The following PHF2 variants were observed in gnomAD, a reference collection of about 807,000 sequenced individuals.
PHF2 encodes lysine-specific demethylase PHF2.
Under a neutral mutation model 120.5 loss-of-function variants are expected in PHF2, and 27 were observed. That is an observed-to-expected ratio of 0.22 (90% CI 0.17 to 0.31). PHF2 has a LOEUF of 0.31. Among genes scored for constraint, PHF2 ranks in the 10% least tolerant of loss-of-function variants. PHF2 has a pLI of 1.00. For synonymous variants in PHF2, 568 were observed against 592.5 expected (o/e 0.96, Z 0.60); for missense variants, 1,024 against 1,434.8 (o/e 0.71, Z 4.63).
chr9:93,582,077 G>A (rs150540030), intron 1 of PHF2, among the ~76,000 whole-genome samples: 60 of 152,248 alleles, frequency 3.9e-4, no homozygotes, highest in African/African-American at 1.3e-3. Context: ...TGGTTCCCAC[G>A]TCGACTGCGA....
At position 93,653,239 on chromosome 9, in the gene PHF2, C is replaced by T. The variant is rs753718871; in HGVS notation, c.663C>T (p.Tyr221=). 1.1e-5 allele frequency: 17 copies of T among 1,614,092 alleles called. No individual in the cohort carries two copies. The highest frequency in any genetic ancestry group is 2.5e-6 in the Non-Finnish European group (3 of 1,180,042). The change falls in exon 6 of 22, where the codon TAC becomes TAT. Residue 221 remains tyrosine, a synonymous_variant. Transcript: ENST00000359246. ...AGAAACTGTCATGGGTAGAAAACTA[C>T]TGGCCAGATGATGCATTGCTGGCCA... The part of the protein sequence containing the change: ...IVKKLSWVEN[Y]WPDDALLAKP...
At position 93,667,224 on chromosome 9, in the gene PHF2, G is replaced by A. The variant is rs1313491211; in HGVS notation, c.2332G>A (p.Glu778Lys). The change falls in exon 17 of 22, where the codon GAG becomes AAG. Residue 778 changes from glutamate to lysine, a missense_variant. Coordinates refer to ENST00000359246, the MANE Select transcript of PHF2 (RefSeq NM_005392.4). ...GGCCAGTGAGGAGGTTGGCGCGCTG[G>A]AGTACAACCCCAGCAGGTGGGCCCC... Reference protein sequence around the residue: ...LQASEEVGALEYNPSSQPPAS... With the variant: ...LQASEEVGALKYNPSSQPPAS... The A allele has an allele frequency of 6.2e-7, 1 of 1,610,872 alleles. No homozygotes were observed. Among genetic ancestry groups the A allele is most frequent in the African/African-American group, 1.3e-5 (1 of 74,920 alleles).
At chr9:93,666,118 G>A (rs1016144437) in intron 16 of PHF2, 58 bp downstream of exon 16, 5 of 1,570,676 alleles carry the variant, frequency 3.2e-6, no homozygotes, top group Middle Eastern at 1.7e-4. Context: ...CAGTCCCCAA[G>A]GCCATGGTTT....
intron 6 of PHF2, 120 bp from the exon 7 acceptor site, chr9:93,654,293 A>C: frequency 1.2e-6 from 1 of 819,022 alleles, no homozygotes; most frequent in Non-Finnish European, 2.0e-6. Context: ...CTGTGCCCTC[A>C]GTGTTGCAGG....
intron 1 of PHF2, among the ~76,000 whole-genome samples, chr9:93,607,926 G>T (rs1431270297): frequency 8.2e-6 from 1 of 122,406 alleles, no homozygotes; most frequent in Non-Finnish European, 1.8e-5. Context: ...ATGAGAGAGA[G>T]AGAGGGAAAG....
In PHF2 at chr9:93,606,081, G is replaced by A. The variant is rs534036431; in HGVS notation, c.99-23889G>A. Among the ~76,000 whole-genome samples, 22 of 152,014 alleles carry A rather than the reference G, an allele frequency of 1.4e-4. No homozygotes were observed. The South Asian group carries it at 4.2e-3, about 29-fold the overall frequency. On this transcript the variant is annotated intron_variant, in intron 1 of 21. Transcript: ENST00000359246. ...CTCCACCTCCTGGGGTCAAGCCAGC[G>A]TCCCACCCCAGCCTCCTAAGTAAGT...
intron 2 of PHF2, among the ~76,000 whole-genome samples, chr9:93,632,998 C>T (rs1826025945): frequency 6.6e-6 from 1 of 152,134 alleles, no homozygotes; most frequent in Non-Finnish European, 1.5e-5. Flanking sequence ...CACCAAGGCA[C>T]ACTGGGGATA....
In PHF2 at chr9:93,656,693, C is replaced by T; in HGVS notation, c.1147+98C>T. The T allele has an allele frequency of 1.3e-6, 1 of 794,252 alleles. No homozygotes were observed. The highest frequency in any genetic ancestry group is 2.1e-6 in the Non-Finnish European group (1 of 467,964). The allele number at this position is 794,252 out of a possible 1,614,324, so 49.2% of individuals were successfully genotyped here. On this transcript the variant is annotated intron_variant, in intron 9 of 21. Coordinates refer to ENST00000359246, the MANE Select transcript of PHF2 (RefSeq NM_005392.4). This position sits in a 1 kb window ranked among gnomAD's most constrained non-coding sequence, Gnocchi z 4.1. Reference sequence around the variant, plus strand: ...CTGACTGTCTGGGTGTGAGTGCCGCCTTCCTGTGGCCTGAGCAAGTCCTCT... The same window carrying T: ...CTGACTGTCTGGGTGTGAGTGCCGCTTTCCTGTGGCCTGAGCAAGTCCTCT...
At chr9:93,607,052 C>T (rs189152486) in intron 1 of PHF2, among the ~76,000 whole-genome samples, 1 of 152,178 alleles carries the variant, frequency 6.6e-6, no homozygotes, top group Non-Finnish European at 1.5e-5. Context: ...TCCCATTAAT[C>T]TGTCCCATTA....
chr9:93,582,204 A>G (rs1476098929), intron 1 of PHF2, among the ~76,000 whole-genome samples: 1 of 152,198 alleles, frequency 6.6e-6, no homozygotes, highest in Non-Finnish European at 1.5e-5. Context: ...GAGCTGCAGC[A>G]GGTGGACACA....
Position 93,576,671 on chromosome 9 carries a change from GCCCCGCCGC to G in PHF2, c.-87_-79del, listed in dbSNP as rs1233553069. 7 of 191,786 alleles carry G rather than the reference GCCCCGCCGC, an allele frequency of 3.6e-5. No homozygotes were observed. Among genetic ancestry groups the G allele is most frequent in the Non-Finnish European group, 4.6e-5 (5 of 109,238 alleles). The allele number at this position is 191,786 out of a possible 1,614,324, so 11.9% of individuals were successfully genotyped here. A position where few individuals can be genotyped will look rare whatever the true frequency, so the allele number is the denominator to read the frequency against. On this transcript the variant is annotated 5_prime_UTR_variant, in exon 1 of 22. Coordinates refer to ENST00000359246, the MANE Select transcript of PHF2 (RefSeq NM_005392.4). ...CCCTCCCGGCCGCGGCGCCGCCTGC[GCCCCGCCGC>G]CCCCGCCGCCCCCGCGCGGCCCGGC...
At position 93,663,501 on chromosome 9, in the gene PHF2, T is replaced by C; in HGVS notation, c.1819-16T>C. ...TCTGTGTGGGGCTCAGGGACGGCCC[T>C]GGTCTTGCTTTTCAGAACAGCAAAC... On this transcript the variant is annotated splice_polypyrimidine_tract_variant and intron_variant, in intron 13 of 21. Transcript: ENST00000359246. The C allele has an allele frequency of 3.2e-6, 5 of 1,546,138 alleles. No homozygotes were observed. Among genetic ancestry groups the C allele is most frequent in the Non-Finnish European group, 4.5e-6 (5 of 1,121,296 alleles).
intron 14 of PHF2, 22 bp from the exon 15 acceptor site, chr9:93,665,664 G>C: frequency 6.2e-7 from 1 of 1,611,176 alleles, no homozygotes; most frequent in Non-Finnish European, 8.5e-7. Context: ...GGATGCTGCT[G>C]ACCCACTCGC....
chr9:93,649,540 A>G (rs1564394252), intron 5 of PHF2, among the ~76,000 whole-genome samples: 1 of 152,136 alleles, frequency 6.6e-6, no homozygotes, highest in Non-Finnish European at 1.5e-5. Flanking sequence ...AGAGAGAACC[A>G]TTGGTAACAA....
chr9:93,668,526 C>A (rs1826723791), intron 17 of PHF2, among the ~76,000 whole-genome samples: 1 of 152,140 alleles, frequency 6.6e-6, no homozygotes, highest in African/African-American at 2.4e-5. Flanking sequence ...TGTCTGAGGC[C>A]ACCCAAGATG....
chr9:93,577,570 CTG>C (rs1293234671), intron 1 of PHF2, among the ~76,000 whole-genome samples: 3 of 152,324 alleles, frequency 2.0e-5, no homozygotes, highest in South Asian at 4.1e-4. Flanking sequence ...AGAATAGTGT[CTG>C]TGAGTTGGGT....
At chr9:93,584,118 G>T (rs1862988943) in intron 1 of PHF2, among the ~76,000 whole-genome samples, 3 of 152,202 alleles carry the variant, frequency 2.0e-5, no homozygotes, top group Admixed American at 2.0e-4. Context: ...ATGAGCTACT[G>T]CGCCCAGCCT....
chr9:93,583,769 T>C lies in PHF2; in HGVS notation c.98+6898T>C, dbSNP rs1357102473. Among the ~76,000 whole-genome samples, 3 of 152,180 alleles carry C rather than the reference T, an allele frequency of 2.0e-5. No individual in the cohort carries two copies. In the East Asian group the frequency reaches 5.8e-4, roughly 29 times the overall value. ...TACATTGGATTGCTTGTCTTTTTAT[T>C]GCTGAAGTGTAAGAGTTCTTTATAT... On this transcript the variant is annotated intron_variant, in intron 1 of 21. Coordinates refer to ENST00000359246, the MANE Select transcript of PHF2 (RefSeq NM_005392.4).
At chr9:93,647,751 G>A (rs1484488652) in intron 4 of PHF2, among the ~76,000 whole-genome samples, 8 of 152,152 alleles carry the variant, frequency 5.3e-5, no homozygotes, top group Non-Finnish European at 1.0e-4. Flanking sequence ...TTAGCCAGGT[G>A]TGGTGGTGGC....
Sources: gnomAD v4.1 joint callset for allele counts (sites outside exome capture counted in the v4.1 genomes callset) on GRCh38, gnomAD v4.1.1 for gene constraint, Gnocchi (gnomAD v3.1) non-coding constraint, MANE v1.5 for transcripts, NCBI Gene and HGNC (gene_info 2026-07-23, HGNC 2026-07-21) for gene names.